The following ACTL8 variants were observed in gnomAD, a reference collection of about 807,000 sequenced individuals.
The protein encoded by ACTL8 is actin like 8, also known as actin-like protein 8.
Under a neutral mutation model 9.3 loss-of-function variants are expected in ACTL8, and 3 were observed. The observed-to-expected ratio is 0.32, with a 90% CI of 0.15 to 0.83. The LOEUF (loss-of-function observed/expected upper bound fraction) is 0.83. Among genes scored for constraint, ACTL8 ranks in the 40% least tolerant of loss-of-function variants. ACTL8 has a pLI of 0.57. For synonymous variants in ACTL8, 224 were observed against 205.9 expected, an observed-to-expected ratio of 1.09 and a Z score of -0.75; for missense variants, 381 against 492.2, an observed-to-expected ratio of 0.77 and a Z score of 2.14.
intron 1 of ACTL8, among the ~76,000 whole-genome samples, chr1:17,806,292 T>C (rs2066359651): frequency 6.6e-6 from 1 of 152,152 alleles, no homozygotes; most frequent in Non-Finnish European, 1.5e-5. Context: ...GGGAGAGTAA[T>C]GTTAAGATAC....
At chr1:17,756,053 G>A (rs1335831667) in intron 1 of ACTL8, among the ~76,000 whole-genome samples, 3 of 151,916 alleles carry the variant, frequency 2.0e-5, no homozygotes, top group South Asian at 2.1e-4. Context: ...GGACTCTACC[G>A]CAGCCCTCAG....
At chr1:17,817,437 A>G (rs571325880) in intron 1 of ACTL8, among the ~76,000 whole-genome samples, 3 of 152,230 alleles carry the variant, frequency 2.0e-5, no homozygotes, top group African/African-American at 7.2e-5. Context: ...ATGTTGCTAA[A>G]TCCAATGGAT....
chr1:17,813,342 A>C (rs76626479), intron 1 of ACTL8, among the ~76,000 whole-genome samples: 1,758 of 152,250 alleles, frequency 0.012, 24 homozygotes, highest in African/African-American at 0.04. Flanking sequence ...TTTTATGATA[A>C]ATGCATGTTG....
In ACTL8 at chr1:17,823,423, T is replaced by C; in HGVS notation, c.348+67T>C. 7.0e-7 allele frequency: 1 copy of C among 1,438,208 alleles called. No homozygotes were observed. The highest frequency in any genetic ancestry group is 9.4e-7 in the Non-Finnish European group (1 of 1,065,072). 89.1% of individuals were successfully genotyped at this position (1,438,208 alleles called of 1,614,324 possible). ...CAGACTGACACTATGTCTGGACTGA[T>C]TGGGCACCAGGAATTCTGCTTTTTA... On this transcript the variant is annotated intron_variant, in intron 2 of 2. Coordinates refer to ENST00000375406, the MANE Select transcript of ACTL8 (RefSeq NM_030812.3). The surrounding 1 kb of genome is among the most constrained non-coding windows in gnomAD (Gnocchi z 5.3).
At chr1:17,804,535 C>T (rs368464236) in intron 1 of ACTL8, among the ~76,000 whole-genome samples, 2 of 151,912 alleles carry the variant, frequency 1.3e-5, no homozygotes, top group African/African-American at 2.4e-5. Flanking sequence ...CACAGGGACC[C>T]AGCAAATGGC....
intron 1 of ACTL8, among the ~76,000 whole-genome samples, chr1:17,762,255 G>A (rs982379758): frequency 6.6e-6 from 1 of 152,082 alleles, no homozygotes; most frequent in African/African-American, 2.4e-5. Flanking sequence ...CGGGGCCTGA[G>A]ACTCTGAGGT....
intron 1 of ACTL8, among the ~76,000 whole-genome samples, chr1:17,785,246 C>T (rs1404002420): frequency 2.0e-5 from 3 of 152,108 alleles, no homozygotes; most frequent in Admixed American, 1.3e-4. Flanking sequence ...TCTCTGTTCC[C>T]TCATCCATAG....
rs189580072 is a variant in ACTL8, at chr1:17,766,633, G to A, written c.-25+11129G>A. Reference sequence around the variant, plus strand: ...TTCCTCCCTGAAGCCCACTGTGGTGGGGGCTGTGATTATCCCCACTTTACA... The same window carrying A: ...TTCCTCCCTGAAGCCCACTGTGGTGAGGGCTGTGATTATCCCCACTTTACA... On this transcript the variant is annotated intron_variant, in intron 1 of 2. Transcript: ENST00000375406. Among the ~76,000 whole-genome samples the A allele has an allele frequency of 3.3e-5, 5 of 152,274 alleles. No individual in the cohort carries two copies. In the East Asian group the frequency reaches 9.7e-4, roughly 29 times the overall value.
intron 1 of ACTL8, among the ~76,000 whole-genome samples, chr1:17,784,940 G>A (rs1263483374): frequency 6.6e-6 from 1 of 152,212 alleles, no homozygotes; most frequent in Non-Finnish European, 1.5e-5. Flanking sequence ...ATGGCAGAAG[G>A]CAAGGAGGAG....
chr1:17,782,344 CT>C (rs2066161892), intron 1 of ACTL8, among the ~76,000 whole-genome samples: 1 of 152,048 alleles, frequency 6.6e-6, no homozygotes, highest in Non-Finnish European at 1.5e-5. Flanking sequence ...CGAAAGTGCT[CT>C]GTGGTTTTAA....
chr1:17,772,088 G>A (rs892141504), intron 1 of ACTL8, among the ~76,000 whole-genome samples: 5 of 152,284 alleles, frequency 3.3e-5, no homozygotes, highest in Admixed American at 6.5e-5. Context: ...CATGCGCTTC[G>A]TGTATCCCCG....
chr1:17,817,424 T>C (rs773354719), intron 1 of ACTL8, among the ~76,000 whole-genome samples: 7 of 152,166 alleles, frequency 4.6e-5, no homozygotes, highest in Non-Finnish European at 1.0e-4. Context: ...GCTGGTAACT[T>C]CCATGTTGCT....
rs140453296 is a variant in ACTL8 at position 17,812,719 on chromosome 1, C to T, written c.-24-10266C>T. On this transcript the variant is annotated intron_variant, in intron 1 of 2. Transcript: ENST00000375406. ...TGTTGCCCAGGCTGGTCGTGAACTC[C>T]TGAGCTCAGGCAACCCACCCGCCTC... Among the ~76,000 whole-genome samples the T allele has an allele frequency of 5.3e-3, 804 of 151,720 alleles. 6 individuals are homozygous for T. Among genetic ancestry groups the T allele is most frequent in the African/African-American group, 0.018 (747 of 41,228 alleles).
chr1:17,772,508 C>T (rs1475053130), intron 1 of ACTL8, among the ~76,000 whole-genome samples: 2 of 152,234 alleles, frequency 1.3e-5, no homozygotes, highest in East Asian at 3.9e-4. Context: ...TCTGATCCCA[C>T]CCATTATTTG....
chr1:17,824,046 G>C (rs902998828), intron 2 of ACTL8, among the ~76,000 whole-genome samples: 1 of 152,214 alleles, frequency 6.6e-6, no homozygotes, highest in Non-Finnish European at 1.5e-5. Context: ...ATGGTGGACT[G>C]TTGGGGGTGG....
At chr1:17,816,141 A>G (rs554555) in intron 1 of ACTL8, among the ~76,000 whole-genome samples, 70,178 of 151,662 alleles carry the variant, frequency 0.46, 16,982 homozygotes, top group East Asian at 0.68. Flanking sequence ...TGAAATGTAC[A>G]GTACTCTGTT....
At chr1:17,790,254 A>G (rs2066229914) in intron 1 of ACTL8, among the ~76,000 whole-genome samples, 2 of 152,216 alleles carry the variant, frequency 1.3e-5, no homozygotes, top group South Asian at 4.1e-4. Flanking sequence ...GGGAGCTCCC[A>G]GGTCTGGGCT....
At chr1:17,759,302 C>T (rs1262007298) in intron 1 of ACTL8, among the ~76,000 whole-genome samples, 1 of 152,258 alleles carries the variant, frequency 6.6e-6, no homozygotes, top group Non-Finnish European at 1.5e-5. Flanking sequence ...CAGCAGGGAC[C>T]TTCTGCTTCC....
Position 17,767,563 on chromosome 1 carries a change from C to T in ACTL8, c.-25+12059C>T, listed in dbSNP as rs879420350. On this transcript the variant is annotated intron_variant, in intron 1 of 2. Transcript: ENST00000375406. This position sits in a 1 kb window ranked among gnomAD's most constrained non-coding sequence, Gnocchi z 4.7. ...AGCCCGTGGCTGGGTGCATGGCTCC[C>T]GGGCACTGCTCTTTTGTGGCTGCCT... is the stretch of plus-strand genomic sequence containing the variant. Among the ~76,000 whole-genome samples the T allele has an allele frequency of 8.5e-5, 13 of 152,126 alleles. No individual in the cohort carries two copies. Among genetic ancestry groups the T allele is most frequent in the Admixed American group, 3.3e-4 (5 of 15,274 alleles).
Sources: gnomAD v4.1 joint callset for allele counts (sites outside exome capture counted in the v4.1 genomes callset) on GRCh38, gnomAD v4.1.1 for gene constraint, Gnocchi (gnomAD v3.1) non-coding constraint, MANE v1.5 for transcripts, NCBI Gene and HGNC (gene_info 2026-07-23, HGNC 2026-07-21) for gene names.